The following WDR37 variants were observed in gnomAD, a reference collection of about 807,000 sequenced individuals.
WDR37 encodes the protein WD repeat domain 37.
A neutral mutation model predicts 62.9 loss-of-function variants in WDR37; 19 were observed. The ratio of observed to expected loss-of-function variants is 0.30; its 90% CI spans 0.21 to 0.44. WDR37 has a LOEUF of 0.44. Ranked by LOEUF, WDR37 falls within the 20% of genes least tolerant of loss-of-function variation. WDR37 has a pLI of 1.00. For missense variants in WDR37, 474 were observed against 657.6 expected, an observed-to-expected ratio of 0.72 and a Z score of 3.05; for synonymous variants, 250 against 260.9, an observed-to-expected ratio of 0.96 and a Z score of 0.40.
intron 7 of WDR37, among the ~76,000 whole-genome samples, chr10:1,092,350 C>G (rs1346468868): frequency 6.6e-6 from 1 of 151,256 alleles, no homozygotes; most frequent in African/African-American, 2.4e-5. Context: ...AAGACCGTGT[C>G]TCTACTAAAA....
intron 7 of WDR37, among the ~76,000 whole-genome samples, chr10:1,092,867 T>C (rs1472618972): frequency 1.7e-5 from 1 of 59,236 alleles, no homozygotes; most frequent in East Asian, 6.8e-4. Flanking sequence ...CAAGACCCTA[T>C]CTCACAAAAA....
At chr10:1,110,296 A>C (rs1416333356) in intron 11 of WDR37, among the ~76,000 whole-genome samples, 2 of 151,692 alleles carry the variant, frequency 1.3e-5, no homozygotes, top group Non-Finnish European at 2.9e-5. Flanking sequence ...TTGAACACAA[A>C]CTCTTCCTTC....
chr10:1,116,294 A>C (rs1195988272), intron 11 of WDR37, among the ~76,000 whole-genome samples: 2 of 141,754 alleles, frequency 1.4e-5, no homozygotes, highest in African/African-American at 2.7e-5. Flanking sequence ...GGTCTCTGCC[A>C]TGTCTCTCAG....
intron 13 of WDR37, among the ~76,000 whole-genome samples, chr10:1,126,400 T>A (rs142520540): frequency 7.4e-6 from 1 of 134,760 alleles, no homozygotes; most frequent in Non-Finnish European, 1.6e-5. Context: ...AGCGAGACTG[T>A]GTCTCAGAAA....
chr10:1,069,306 A>T (rs1833647944), intron 1 of WDR37, among the ~76,000 whole-genome samples: 1 of 149,838 alleles, frequency 6.7e-6, no homozygotes, highest in African/African-American at 2.5e-5. Flanking sequence ...ACTTAGGTTC[A>T]CATAAAACCC....
intron 11 of WDR37, among the ~76,000 whole-genome samples, chr10:1,107,889 A>AT (rs1321903982): frequency 1.3e-5 from 2 of 151,738 alleles, no homozygotes; most frequent in East Asian, 3.9e-4. Flanking sequence ...CTGTTGTTGT[A>AT]TTGCAGCACT....
rs76591842 is a variant in WDR37, at chr10:1,109,358, C to T, written c.1103+4091C>T. Among the ~76,000 whole-genome samples, 425 of 152,316 alleles carry T rather than the reference C, an allele frequency of 2.8e-3. 4 individuals are homozygous for T. The highest frequency in any genetic ancestry group is 9.7e-3 in the African/African-American group (404 of 41,570). On this transcript the variant is annotated intron_variant, in intron 11 of 13. Transcript: ENST00000263150. ...AGTTGATTGCAAGTGCATGTTTTCG[C>T]TTCTAAGGCTGTTGCAACCGTGTGG...
At chr10:1,057,716 A>C (rs573219148) in intron 1 of WDR37, among the ~76,000 whole-genome samples, 2 of 152,338 alleles carry the variant, frequency 1.3e-5, no homozygotes, top group South Asian at 2.1e-4. Flanking sequence ...GAGTGAAAAT[A>C]GCTTAAGGTC....
intron 9 of WDR37, among the ~76,000 whole-genome samples, chr10:1,101,646 T>C (rs1433587642): frequency 6.6e-6 from 1 of 152,160 alleles, no homozygotes; most frequent in East Asian, 1.9e-4. Context: ...CGTCTGGTGA[T>C]TTTGCATCAC....
intron 2 of WDR37, chr10:1,074,432 C>G (rs990503956): frequency 7.7e-7 from 1 of 1,304,086 alleles, no homozygotes; most frequent in Non-Finnish European, 1.0e-6. Context: ...TGGCCTGTGT[C>G]TCCCACGCTC....
At chr10:1,101,375 T>C (rs1474288902) in intron 9 of WDR37, among the ~76,000 whole-genome samples, 2 of 152,188 alleles carry the variant, frequency 1.3e-5, no homozygotes, top group Non-Finnish European at 2.9e-5. Flanking sequence ...GGATCCTTCA[T>C]CCCTCTGGGA....
intron 1 of WDR37, among the ~76,000 whole-genome samples, chr10:1,065,579 T>TA (rs1448113161): frequency 1.3e-5 from 2 of 151,524 alleles, no homozygotes; most frequent in Non-Finnish European, 2.9e-5. Context: ...ATTGGTCCTG[T>TA]CAGTAGGTAA....
chr10:1,079,228 G>T (rs950523930), intron 3 of WDR37, among the ~76,000 whole-genome samples: 1 of 151,750 alleles, frequency 6.6e-6, no homozygotes, highest in Admixed American at 6.6e-5. Context: ...GGGATCACAG[G>T]CACCCACCAC....
intron 11 of WDR37, among the ~76,000 whole-genome samples, chr10:1,117,721 A>T (rs1055280854): frequency 2.6e-5 from 4 of 152,212 alleles, no homozygotes; most frequent in Admixed American, 2.6e-4. Context: ...CAGCATGGGG[A>T]GGGGTGGCTG....
At chr10:1,123,284 AC>A (rs1433024266) in intron 11 of WDR37, among the ~76,000 whole-genome samples, 3 of 152,236 alleles carry the variant, frequency 2.0e-5, no homozygotes, top group African/African-American at 7.2e-5. Flanking sequence ...TATGAAACTT[AC>A]TATTTTAACT....
chr10:1,075,364 G>C (rs1405191634), intron 2 of WDR37, among the ~76,000 whole-genome samples: 2 of 151,490 alleles, frequency 1.3e-5, no homozygotes, highest in Admixed American at 6.6e-5. Context: ...CATGTGCCAA[G>C]GTGGTTTGCT....
At chr10:1,078,183 C>G (rs936425218) in intron 3 of WDR37, among the ~76,000 whole-genome samples, 180 bp downstream of exon 3, 1 of 152,036 alleles carries the variant, frequency 6.6e-6, no homozygotes, top group Non-Finnish European at 1.5e-5. Context: ...GTATAATTCC[C>G]ACGAGGACTC....
intron 1 of WDR37, among the ~76,000 whole-genome samples, chr10:1,066,324 G>C (rs1181633831): frequency 6.6e-6 from 1 of 152,154 alleles, no homozygotes. Context: ...CACCGTGTTA[G>C]CTAGGATGGT....
chr10:1,082,503 C>G (rs1239234191), intron 5 of WDR37, among the ~76,000 whole-genome samples: 1 of 152,192 alleles, frequency 6.6e-6, no homozygotes, highest in Non-Finnish European at 1.5e-5. Context: ...ATTTTCACAA[C>G]CGTGCTTTAG....
Sources: allele counts gnomAD v4.1 joint callset (sites outside exome capture counted in the v4.1 genomes callset), GRCh38; gene constraint gnomAD v4.1.1; transcripts MANE v1.5; gene names NCBI Gene and HGNC (gene_info 2026-07-23, HGNC 2026-07-21).